PLEKHA2: variants seen among roughly 807,000 people sequenced by gnomAD.
The protein encoded by PLEKHA2 is pleckstrin homology domain-containing family A member 2.
In PLEKHA2, 28 loss-of-function variants were observed where a neutral mutation model predicts 53.2. The ratio of observed to expected loss-of-function variants is 0.53; its 90% CI spans 0.39 to 0.72. The LOEUF (loss-of-function observed/expected upper bound fraction) is 0.72, where lower values mean the gene tolerates loss of function less well. Ranked by LOEUF, PLEKHA2 falls within the 30% of genes least tolerant of loss-of-function variation. The pLI is 0.00. For missense variants in PLEKHA2, 426 were observed against 537.9 expected (o/e 0.79, Z 2.06); for synonymous variants, 193 against 196.4 (o/e 0.98, Z 0.14).
rs561580353 is a variant in PLEKHA2 at position 38,944,409 on chromosome 8, C to T, written c.247+572C>T. On this transcript the variant is annotated intron_variant, in intron 4 of 11. Transcript: ENST00000617275. ...GTGAGTACCTGTAATTCCAGCTACT[C>T]GGGAGGCTAAGGCAGGAGAATCTCT... is the stretch of plus-strand genomic sequence containing the variant. Among the ~76,000 whole-genome samples, 132 of 151,744 alleles carry T rather than the reference C, an allele frequency of 8.7e-4. 1 individual carries two copies. Among genetic ancestry groups the T allele is most frequent in the African/African-American group, 2.8e-3 (117 of 41,338 alleles).
chr8:38,902,505 G>C (rs901998657), intron 1 of PLEKHA2, among the ~76,000 whole-genome samples: 2 of 152,192 alleles, frequency 1.3e-5, no homozygotes, highest in Non-Finnish European at 2.9e-5. Flanking sequence ...GAAGAGGGAG[G>C]GGAGAGCACC....
At chr8:38,905,763 C>T (rs1251939805) in intron 1 of PLEKHA2, among the ~76,000 whole-genome samples, 1 of 149,564 alleles carries the variant, frequency 6.7e-6, no homozygotes, top group Admixed American at 6.7e-5. Flanking sequence ...CGGCTCACTG[C>T]AACCTCCACC....
intron 10 of PLEKHA2, among the ~76,000 whole-genome samples, chr8:38,960,028 C>G (rs1835014146): frequency 6.6e-6 from 1 of 152,158 alleles, no homozygotes; most frequent in Admixed American, 6.5e-5. Context: ...TGGTTGAGTT[C>G]AGGAGAGAGC....
intron 3 of PLEKHA2, among the ~76,000 whole-genome samples, chr8:38,940,539 G>A (rs555764982): frequency 6.6e-6 from 1 of 151,844 alleles, no homozygotes; most frequent in East Asian, 1.9e-4. Context: ...TGGACCAGAG[G>A]ACTGCAGGAA....
chr8:38,929,579 C>A (rs375005224), intron 2 of PLEKHA2, among the ~76,000 whole-genome samples: 1 of 152,206 alleles, frequency 6.6e-6, no homozygotes, highest in East Asian at 1.9e-4. Context: ...CCTTCACCTG[C>A]CCCATCCTTA....
chr8:38,968,499 T>A (rs1835181259), intron 10 of PLEKHA2, 93 bp from the exon 11 acceptor site: 1 of 1,208,980 alleles, frequency 8.3e-7, no homozygotes, highest in Non-Finnish European at 1.2e-6. Flanking sequence ...CCCCTAATGG[T>A]GTAATTTTAT....
chr8:38,958,468 C>G (rs190812127), intron 10 of PLEKHA2, among the ~76,000 whole-genome samples: 2 of 152,242 alleles, frequency 1.3e-5, no homozygotes, highest in African/African-American at 2.4e-5. Flanking sequence ...TAAGCAACCT[C>G]CCTTCCCCAA....
At chr8:38,955,601 C>T (rs1834924656) in intron 9 of PLEKHA2, among the ~76,000 whole-genome samples, 1 of 152,180 alleles carries the variant, frequency 6.6e-6, no homozygotes, top group African/African-American at 2.4e-5. Context: ...TCAGGATTCA[C>T]CCCAGGTCTA....
At chr8:38,958,598 A>G (rs1025876695) in intron 10 of PLEKHA2, among the ~76,000 whole-genome samples, 2 of 152,186 alleles carry the variant, frequency 1.3e-5, no homozygotes, top group Non-Finnish European at 2.9e-5. Flanking sequence ...GGACAAGCAC[A>G]TACCATCCAG....
chr8:38,958,857 G>T (rs1834990613), intron 10 of PLEKHA2, among the ~76,000 whole-genome samples: 1 of 152,190 alleles, frequency 6.6e-6, no homozygotes, highest in Non-Finnish European at 1.5e-5. Context: ...AAGAGAGAGA[G>T]AGCTCGTCAA....
rs1194852425 is a variant in PLEKHA2 at position 38,971,710 on chromosome 8, C to T, written c.*1927C>T. The T allele has an allele frequency of 6.6e-6, 1 of 152,186 alleles. No homozygotes were observed. Among genetic ancestry groups the T allele is most frequent in the East Asian group, 1.9e-4 (1 of 5,198 alleles). The allele number at this position is 152,186 out of a possible 1,614,324, so 9.4% of individuals were successfully genotyped here. A position where few individuals can be genotyped will look rare whatever the true frequency, so the allele number is the denominator to read the frequency against. On this transcript the variant is annotated 3_prime_UTR_variant, in exon 12 of 12. Coordinates refer to ENST00000617275, the MANE Select transcript of PLEKHA2 (RefSeq NM_021623.2). ...GTGGCTCACGCCTGTAATCCCAGCA[C>T]TTTGGGAGGCCGAGGCGAGCGGATC... is the stretch of plus-strand genomic sequence containing the variant.
At chr8:38,915,424 A>G (rs981361989) in intron 1 of PLEKHA2, among the ~76,000 whole-genome samples, 1 of 152,202 alleles carries the variant, frequency 6.6e-6, no homozygotes, top group African/African-American at 2.4e-5. Context: ...GTTTCTTCTG[A>G]GGGCCGTGAG....
At chr8:38,903,412 C>G (rs781600161) in intron 1 of PLEKHA2, among the ~76,000 whole-genome samples, 5 of 152,190 alleles carry the variant, frequency 3.3e-5, no homozygotes, top group Non-Finnish European at 5.9e-5. Flanking sequence ...GCTTTCTTCT[C>G]TCTTCTGTGT....
intron 2 of PLEKHA2, among the ~76,000 whole-genome samples, chr8:38,934,407 C>T (rs1441856279): frequency 6.6e-6 from 1 of 152,050 alleles, no homozygotes; most frequent in Non-Finnish European, 1.5e-5. Flanking sequence ...TTTGAGAGGA[C>T]CCCAGGTAAT....
chr8:38,968,114 G>T (rs1835174570), intron 10 of PLEKHA2, among the ~76,000 whole-genome samples: 1 of 152,170 alleles, frequency 6.6e-6, no homozygotes, highest in Non-Finnish European at 1.5e-5. Flanking sequence ...GTGGGATTTG[G>T]CTTTAATAGG....
At position 38,957,381 on chromosome 8, in the gene PLEKHA2, G is replaced by A. The variant is rs777527678; in HGVS notation, c.832G>A (p.Val278Ile). ...EIITSSRTFY[V>I]QADSPEDMHS... ...AATAACAAGCTCCAGGACCTTCTAC[G>A]TACAGGTAAAATGCTCCCTTCCAGA... Residue 278 changes from valine (V) to isoleucine (I), a missense_variant, in exon 10 of 12, where the codon GTA becomes ATA. Coordinates refer to ENST00000617275, the MANE Select transcript of PLEKHA2 (RefSeq NM_021623.2). The A allele has an allele frequency of 1.7e-5, 27 of 1,612,148 alleles. No homozygotes were observed. The highest frequency in any genetic ancestry group is 2.2e-5 in the Non-Finnish European group (26 of 1,178,312).
chr8:38,904,502 C>T (rs1320212684), intron 1 of PLEKHA2, among the ~76,000 whole-genome samples: 6 of 152,224 alleles, frequency 3.9e-5, no homozygotes, highest in Non-Finnish European at 8.8e-5. Context: ...AAGCAGCTCT[C>T]TGCTGGTATG....
At chr8:38,930,752 G>A (rs1465644851) in intron 2 of PLEKHA2, among the ~76,000 whole-genome samples, 2 of 152,100 alleles carry the variant, frequency 1.3e-5, no homozygotes, top group Non-Finnish European at 2.9e-5. Context: ...TTGGCTGCTG[G>A]TGCAGCAGCC....
At chr8:38,943,970 TG>T (rs1277789111) in intron 4 of PLEKHA2, 133 bp downstream of exon 4, 5 of 617,624 alleles carry the variant, frequency 8.1e-6, no homozygotes, top group Non-Finnish European at 1.3e-5. Flanking sequence ...GTGACGGTCC[TG>T]GACGTCAAGT....
Sources: allele counts gnomAD v4.1 joint callset (sites outside exome capture counted in the v4.1 genomes callset), GRCh38; gene constraint gnomAD v4.1.1; transcripts MANE v1.5; gene names NCBI Gene and HGNC (gene_info 2026-07-23, HGNC 2026-07-21).